TJP1: variants seen among roughly 807,000 people sequenced by gnomAD.
TJP1 encodes tight junction protein ZO-1.
Under a neutral mutation model 194.2 loss-of-function variants are expected in TJP1, and 43 were observed. The observed-to-expected ratio is 0.22, with a 90% CI of 0.17 to 0.29. The LOEUF is 0.29. Among genes scored for constraint, TJP1 ranks in the 10% least tolerant of loss-of-function variants. TJP1 has a pLI of 1.00. For synonymous variants in TJP1, 801 were observed against 779.0 expected, an observed-to-expected ratio of 1.03 and a Z score of -0.47; for missense variants, 1,971 against 2,185.7, an observed-to-expected ratio of 0.90 and a Z score of 1.96.
intron 2 of TJP1, among the ~76,000 whole-genome samples, chr15:29,932,041 G>A (rs1049134476): frequency 6.6e-5 from 10 of 152,118 alleles, no homozygotes; most frequent in Admixed American, 1.3e-4. Context: ...GGGATTTAGC[G>A]GCTTCTTTAC....
chr15:29,968,171 A>G (rs1268448556), intron 1 of TJP1: 1 of 985,356 alleles, frequency 1.0e-6, no homozygotes, highest in Admixed American at 6.1e-5. Context: ...CAATGCAATA[A>G]TAATTTCCCA....
chr15:29,885,157 G>T (rs1265650993), intron 2 of TJP1, among the ~76,000 whole-genome samples: 1 of 151,966 alleles, frequency 6.6e-6, no homozygotes, highest in Admixed American at 6.6e-5. Flanking sequence ...TGTAGATCTC[G>T]ATCCTGTCCT....
intron 2 of TJP1, among the ~76,000 whole-genome samples, chr15:29,935,462 A>G (rs1738266898): frequency 6.6e-6 from 1 of 152,162 alleles, no homozygotes; most frequent in South Asian, 2.1e-4. Context: ...GCATGAAATT[A>G]GCCATGACTA....
chr15:29,943,818 C>T (rs942860216), intron 2 of TJP1, among the ~76,000 whole-genome samples: 9 of 146,642 alleles, frequency 6.1e-5, no homozygotes, highest in African/African-American at 1.3e-4. Context: ...TATGGTGGCG[C>T]GCGCCTGTAG....
chr15:29,945,930 T>C (rs1315283313), intron 2 of TJP1, among the ~76,000 whole-genome samples: 2 of 152,076 alleles, frequency 1.3e-5, no homozygotes, highest in Admixed American at 6.5e-5. Flanking sequence ...ATCAAAGAAA[T>C]AAGCACACTG....
chr15:29,741,243 A>C (rs2044394106), intron 10 of TJP1, 88 bp downstream of exon 10: 5 of 937,878 alleles, frequency 5.3e-6, no homozygotes, highest in Admixed American at 2.9e-5. Flanking sequence ...TTTAAAAAAT[A>C]TATGCAATAT....
chr15:29,758,061 CT>C (rs1258372361), intron 8 of TJP1, among the ~76,000 whole-genome samples: 1 of 152,200 alleles, frequency 6.6e-6, no homozygotes, highest in Admixed American at 6.5e-5. Context: ...CTTATTAACA[CT>C]TTCTTTTCTT....
intron 2 of TJP1, among the ~76,000 whole-genome samples, chr15:29,845,662 G>T (rs553753691): frequency 6.6e-6 from 1 of 152,024 alleles, no homozygotes; most frequent in South Asian, 2.1e-4. Flanking sequence ...AAAATTAGCC[G>T]GGCGTGGTGG....
At chr15:29,867,246 G>C (rs1281027368) in intron 2 of TJP1, among the ~76,000 whole-genome samples, 2 of 152,154 alleles carry the variant, frequency 1.3e-5, no homozygotes, top group Non-Finnish European at 2.9e-5. Flanking sequence ...GCTAATATTA[G>C]AAGTCATTTA....
At chr15:29,851,244 A>G (rs551785348) in intron 2 of TJP1, among the ~76,000 whole-genome samples, 6 of 152,216 alleles carry the variant, frequency 3.9e-5, no homozygotes, top group Admixed American at 1.3e-4. Flanking sequence ...CAAGACTGAC[A>G]GAAACAAAAA....
At position 29,719,906 on chromosome 15, in the gene TJP1, C is replaced by T; in HGVS notation, c.2874G>A (p.Glu958=). 1.9e-6 allele frequency: 3 copies of T among 1,614,028 alleles called. No individual in the cohort carries two copies. The highest frequency in any genetic ancestry group is 2.5e-6 in the Non-Finnish European group (3 of 1,179,990). Residue 958 remains glutamate (E), a synonymous_variant, in exon 20 of 28, where the codon GAG becomes GAA. Transcript: ENST00000614355. ...NVNLTNVRLE[E]PTPAPSTSYS... ...AAGAGGTGGAAGGAGCTGGGGTGGGCTCCTCCAGTCTGACATTAGTTAAAT... is the reference window on the plus strand; with the variant it reads ...AAGAGGTGGAAGGAGCTGGGGTGGGTTCCTCCAGTCTGACATTAGTTAAAT...
chr15:29,882,438 T>C (rs1309535198), intron 2 of TJP1, among the ~76,000 whole-genome samples: 1 of 152,186 alleles, frequency 6.6e-6, no homozygotes. Context: ...GTAACCTTTC[T>C]AAAAATGATT....
chr15:29,844,891 A>G (rs1229732482), intron 2 of TJP1, among the ~76,000 whole-genome samples: 3 of 152,034 alleles, frequency 2.0e-5, no homozygotes, highest in African/African-American at 4.8e-5. Context: ...TACCAAGAAG[A>G]GATCCAAGAC....
chr15:29,771,323 T>C (rs184588525), intron 4 of TJP1, among the ~76,000 whole-genome samples: 1 of 152,174 alleles, frequency 6.6e-6, no homozygotes. Flanking sequence ...AGCATGTTAG[T>C]GAACTGAATA....
In TJP1 at chr15:29,822,082, C is replaced by G. The variant is rs1176734325; in HGVS notation, c.-54G>C. The G allele has an allele frequency of 1.5e-5, 19 of 1,244,890 alleles. No individual in the cohort carries two copies. The highest frequency in any genetic ancestry group is 3.0e-6 in the Non-Finnish European group (3 of 994,266). The allele number at this position is 1,244,890 out of a possible 1,614,324, so 77.1% of individuals were successfully genotyped here. A position where few individuals can be genotyped will look rare whatever the true frequency, so the allele number is the denominator to read the frequency against. On this transcript the variant is annotated 5_prime_UTR_variant, in exon 1 of 28. Transcript: ENST00000614355. ...TCCTCGGACCCGAAACTCCGCGGCG[C>G]TGGCCCGCCCGCTCCTCACGCCACA... is the stretch of plus-strand genomic sequence containing the variant.
chr15:29,770,072 T>C (rs2046561061), intron 4 of TJP1, among the ~76,000 whole-genome samples: 1 of 152,166 alleles, frequency 6.6e-6, no homozygotes, highest in Non-Finnish European at 1.5e-5. Flanking sequence ...GTGACACTGA[T>C]GACCCTGATC....
chr15:29,940,531 A>G (rs902050874), intron 2 of TJP1, among the ~76,000 whole-genome samples: 1 of 152,230 alleles, frequency 6.6e-6, no homozygotes. Flanking sequence ...ATCTGTTTCA[A>G]GACAAATACA....
rs367640215 is a variant in TJP1 at position 29,761,238 on chromosome 15, T to C, written c.911A>G (p.His304Arg). The C allele has an allele frequency of 6.3e-5, 102 of 1,613,966 alleles. No homozygotes were observed. The highest frequency in any genetic ancestry group is 8.1e-5 in the Non-Finnish European group (96 of 1,180,002). Residue 304 changes from histidine (H) to arginine (R), a missense_variant, in exon 8 of 28, where the codon CAC becomes CGC. Coordinates refer to ENST00000614355, the MANE Select transcript of TJP1 (RefSeq NM_001330239.4). Reference protein sequence around the residue: ...SLASDHSGRSHDRPPRRSRSR... With the variant: ...SLASDHSGRSRDRPPRRSRSR... ...CCGGCTGCGGCGGGGAGGCCTATCG[T>C]GTGATCGACCAGAATGATCTGATGC...
intron 9 of TJP1, among the ~76,000 whole-genome samples, chr15:29,742,093 A>G (rs1409288209): frequency 1.3e-5 from 2 of 151,954 alleles, no homozygotes; most frequent in African/African-American, 4.8e-5. Context: ...AAACCCACAA[A>G]AAAACCCCAG....
Sources: allele counts gnomAD v4.1 joint callset (sites outside exome capture counted in the v4.1 genomes callset), GRCh38; gene constraint gnomAD v4.1.1; transcripts MANE v1.5; gene names NCBI Gene and HGNC (gene_info 2026-07-23, HGNC 2026-07-21).